The following SPATA13 variants were observed in gnomAD, a reference collection of about 807,000 sequenced individuals.
SPATA13 encodes the protein spermatogenesis-associated protein 13.
Under a neutral mutation model 104.0 loss-of-function variants are expected in SPATA13, and 50 were observed. The ratio of observed to expected loss-of-function variants is 0.48; its 90% CI spans 0.38 to 0.61. The LOEUF (loss-of-function observed/expected upper bound fraction) is 0.61. SPATA13 is among the 20% of genes least tolerant of loss of function. The pLI is 0.00. For missense variants in SPATA13, 1,524 were observed against 1,690.6 expected (o/e 0.90, Z 1.73); for synonymous variants, 606 against 667.5 (o/e 0.91, Z 1.42).
At chr13:24,231,063 C>T (rs141958157) in intron 2 of SPATA13, among the ~76,000 whole-genome samples, 1 of 152,184 alleles carries the variant, frequency 6.6e-6, no homozygotes, top group South Asian at 2.1e-4. Context: ...TGGCTCCCCC[C>T]AGAAGGCTTC....
At chr13:24,138,446 T>C (rs1412960326) in intron 3 of SPATA13, among the ~76,000 whole-genome samples, 5 of 152,250 alleles carry the variant, frequency 3.3e-5, no homozygotes, top group Admixed American at 1.3e-4. Flanking sequence ...AACATTGATG[T>C]GATGTTGAAT....
At chr13:24,212,679 A>T (rs935615516) in intron 1 of SPATA13, among the ~76,000 whole-genome samples, 7 of 152,222 alleles carry the variant, frequency 4.6e-5, no homozygotes, top group African/African-American at 9.7e-5. Context: ...TTTTTAAATT[A>T]AGTTTAAACA....
chr13:24,271,005 C>CTT (rs992754100), intron 4 of SPATA13: 3 of 832,476 alleles, frequency 3.6e-6, no homozygotes, highest in African/African-American at 3.4e-5. Context: ...CTCTCTCTCT[C>CTT]TCTCCACTCT....
rs199895551 is a variant in SPATA13, at chr13:24,196,292, C to CATT, written c.-111-26525_-111-26523dup. On this transcript the variant is annotated intron_variant, in intron 1 of 12. Coordinates refer to ENST00000382108, the MANE Select transcript of SPATA13 (RefSeq NM_001166271.3). Reference sequence around the variant, plus strand: ...TGAGGCTTGGCATAAACCCTTCACACATTACCTGGAAGTATCACACTTCAA... The same window carrying CATT: ...TGAGGCTTGGCATAAACCCTTCACACATTATTACCTGGAAGTATCACACTTCAA... Among the ~76,000 whole-genome samples the CATT allele has an allele frequency of 5.4e-3, 822 of 152,240 alleles. 6 individuals are homozygous for CATT. The highest frequency in any genetic ancestry group is 0.018 in the African/African-American group (741 of 41,516).
chr13:24,150,211 C>T (rs1355178981), intron 3 of SPATA13, among the ~76,000 whole-genome samples: 1 of 152,138 alleles, frequency 6.6e-6, no homozygotes, highest in Admixed American at 6.5e-5. Context: ...GCTCTCCTCC[C>T]ACAGCCTCCA....
chr13:24,106,395 G>A (rs966146940), intron 3 of SPATA13, among the ~76,000 whole-genome samples: 1 of 152,160 alleles, frequency 6.6e-6, no homozygotes, highest in Non-Finnish European at 1.5e-5. Flanking sequence ...GAAACCAAAA[G>A]TTATTTTTCT....
intron 3 of SPATA13, among the ~76,000 whole-genome samples, chr13:24,074,394 T>A (rs1879258785): frequency 6.6e-6 from 1 of 152,228 alleles, no homozygotes; most frequent in East Asian, 1.9e-4. Context: ...ATTTTTTTTT[T>A]ACCATTCATC....
At chr13:24,248,580 C>G (rs1873294971) in intron 2 of SPATA13, among the ~76,000 whole-genome samples, 1 of 152,196 alleles carries the variant, frequency 6.6e-6, no homozygotes, top group Non-Finnish European at 1.5e-5. Context: ...CTTGTCCCAG[C>G]TCACACCACT....
chr13:23,989,096 T>C (rs548028507), intron 2 of SPATA13, among the ~76,000 whole-genome samples: 1 of 152,288 alleles, frequency 6.6e-6, no homozygotes, highest in South Asian at 2.1e-4. Context: ...GAGAAAGTTA[T>C]AAAAATTTCT....
At position 24,286,490 on chromosome 13, in the gene SPATA13, T is replaced by G. The variant is rs553080061; in HGVS notation, c.2481+97T>G. Reference sequence around the variant, plus strand: ...GCCTTTTATCAGGTCAGCTCTTTTGTAATTGATATCTGACATGCAAGTCAC... The same window carrying G: ...GCCTTTTATCAGGTCAGCTCTTTTGGAATTGATATCTGACATGCAAGTCAC... On this transcript the variant is annotated intron_variant, in intron 6 of 12. Transcript: ENST00000382108. This position sits in a 1 kb window ranked among gnomAD's most constrained non-coding sequence, Gnocchi z 4.9. 38 of 1,280,442 alleles carry G rather than the reference T, an allele frequency of 3.0e-5. No individual in the cohort carries two copies. Among genetic ancestry groups the G allele is most frequent in the Middle Eastern group, 5.6e-4 (2 of 3,560 alleles). The allele number at this position is 1,280,442 out of a possible 1,614,324, so 79.3% of individuals were successfully genotyped here. A position where few individuals can be genotyped will look rare whatever the true frequency, so the allele number is the denominator to read the frequency against.
At chr13:24,096,429 C>G (rs1337326915) in intron 3 of SPATA13, among the ~76,000 whole-genome samples, 1 of 151,748 alleles carries the variant, frequency 6.6e-6, no homozygotes, top group Admixed American at 6.6e-5. Context: ...AACCCTGTCT[C>G]TATTAAAAAT....
At chr13:24,221,585 AGGGGAAGGGATGGACACAGGTGTGT>A (rs1296792002) in intron 1 of SPATA13, among the ~76,000 whole-genome samples, 1 of 151,946 alleles carries the variant, frequency 6.6e-6, no homozygotes, top group African/African-American at 2.4e-5. Flanking sequence ...ACAAGATCTG[AGGGGAAGGGATGGACACAGGTGTGT>A]GGGGAAGGCA....
At position 24,305,281 on chromosome 13, in the gene SPATA13, C is replaced by G. The variant is rs940798609; in HGVS notation, c.*2508C>G. 6.6e-6 allele frequency: 1 copy of G among 152,192 alleles called. No individual in the cohort carries two copies. Among genetic ancestry groups the G allele is most frequent in the African/African-American group, 2.4e-5 (1 of 41,452 alleles). The allele number at this position is 152,192 out of a possible 1,614,324, so 9.4% of individuals were successfully genotyped here. A position where few individuals can be genotyped will look rare whatever the true frequency, so the allele number is the denominator to read the frequency against. On this transcript the variant is annotated 3_prime_UTR_variant, in exon 13 of 13. Transcript: ENST00000382108. ...ACTTCCTAACAGAGACTTATGAATA[C>G]CAGGATGTGTTTTTGTTAAGTCAGG...
At chr13:24,027,378 C>G (rs1386302775) in intron 3 of SPATA13, among the ~76,000 whole-genome samples, 1 of 151,624 alleles carries the variant, frequency 6.6e-6, no homozygotes, top group Non-Finnish European at 1.5e-5. Flanking sequence ...CATGATCCAC[C>G]CGCCTCGGCC....
At chr13:24,010,599 G>A (rs1201369498) in intron 2 of SPATA13, among the ~76,000 whole-genome samples, 2 of 151,696 alleles carry the variant, frequency 1.3e-5, no homozygotes, top group Non-Finnish European at 2.9e-5. Context: ...ACAGTCCCTT[G>A]ATCCCTCGTG....
intron 2 of SPATA13, among the ~76,000 whole-genome samples, chr13:24,228,207 G>A (rs1280365125): frequency 6.9e-6 from 1 of 143,938 alleles, no homozygotes; most frequent in Non-Finnish European, 1.5e-5. Flanking sequence ...TCCACCTCCC[G>A]GGTTCACGCC....
rs181552321 is a variant in SPATA13, at chr13:24,271,774, G to A, written c.2165-12361G>A. ...GCCTCGCCTGAAATGAATGGGAACCGTAGATGGCAGCTCGAGGCAGCCTGG... is the reference window on the plus strand; with the variant it reads ...GCCTCGCCTGAAATGAATGGGAACCATAGATGGCAGCTCGAGGCAGCCTGG... On this transcript the variant is annotated intron_variant, in intron 4 of 12. Transcript: ENST00000382108. 3.6e-3 allele frequency among the ~76,000 whole-genome samples: 552 copies of A among 152,318 alleles called. 3 individuals are homozygous for A. Among genetic ancestry groups the A allele is most frequent in the Non-Finnish European group, 5.4e-3 (369 of 68,040 alleles).
At chr13:24,241,808 T>C (rs1373771547) in intron 2 of SPATA13, among the ~76,000 whole-genome samples, 1 of 152,150 alleles carries the variant, frequency 6.6e-6, no homozygotes, top group African/African-American at 2.4e-5. Context: ...TCCCAGCACT[T>C]TGAGAGGCCG....
intron 2 of SPATA13, among the ~76,000 whole-genome samples, chr13:24,239,310 G>C (rs1872718817): frequency 6.6e-6 from 1 of 152,064 alleles, no homozygotes; most frequent in African/African-American, 2.4e-5. Context: ...ATACTTAGTG[G>C]TCCTCTATCA....
Sources: allele counts gnomAD v4.1 joint callset (sites outside exome capture counted in the v4.1 genomes callset), GRCh38; gene constraint gnomAD v4.1.1; non-coding constraint Gnocchi (gnomAD v3.1); transcripts MANE v1.5; gene names NCBI Gene and HGNC (gene_info 2026-07-23, HGNC 2026-07-21).